Variants in MCPH1 observed in about 807,000 individuals in gnomAD.
MCPH1 encodes the protein microcephalin.
In MCPH1, 104 loss-of-function variants were observed where a neutral mutation model predicts 84.5. The observed-to-expected ratio is 1.23, with a 90% CI of 1.05 to 1.45. MCPH1 has a LOEUF of 1.45. Among genes scored for constraint, MCPH1 ranks in the 40% most tolerant of loss-of-function variants. The pLI, the probability that MCPH1 is intolerant of heterozygous loss-of-function variation, is 0.00. For synonymous variants in MCPH1, 514 were observed against 366.8 expected, an observed-to-expected ratio of 1.40 and a Z score of -4.58; for missense variants, 1,498 against 1,005.7, an observed-to-expected ratio of 1.49 and a Z score of -6.62.
At position 6,546,243 on chromosome 8, in the gene MCPH1, C is replaced by T. The variant is rs1435432614; in HGVS notation, c.2214+46314C>T. On this transcript the variant is annotated intron_variant, in intron 12 of 13. Coordinates refer to ENST00000344683, the MANE Select transcript of MCPH1 (RefSeq NM_024596.5). ...AGCAAACAAATTGGAGTAAGGGAGA[C>T]AGTCTGAATATTCAAGGGCAACCCA... Among the ~76,000 whole-genome samples the T allele has an allele frequency of 2.6e-5, 4 of 152,236 alleles. No individual in the cohort carries two copies. The East Asian group carries it at 7.7e-4, about 29-fold the overall frequency.
At chr8:6,524,927 G>T (rs1300737377) in intron 12 of MCPH1, among the ~76,000 whole-genome samples, 2 of 152,176 alleles carry the variant, frequency 1.3e-5, no homozygotes, top group Non-Finnish European at 2.9e-5. Flanking sequence ...TCTGCACATG[G>T]CTTCCTGTGT....
chr8:6,444,907 G>A lies in MCPH1; in HGVS notation c.1185G>A (p.Gln395=), dbSNP rs963664172. The change falls in exon 8 of 14, where the codon CAG becomes CAA. Residue 395 remains glutamine (Q), a synonymous_variant. Transcript: ENST00000344683. ...TGTGCAGGTCGGAAGACAGGCTGCA[G>A]CACGTGGCGGGACCTGCCCTGGAGG... ...LQLCRSEDRL[Q]HVAGPALEAL... is the part of the protein sequence containing the mutation. 2 of 1,614,050 alleles carry A rather than the reference G, an allele frequency of 1.2e-6. No individual in the cohort carries two copies. Among genetic ancestry groups the A allele is most frequent in the African/African-American group, 1.3e-5 (1 of 74,922 alleles).
intron 12 of MCPH1, among the ~76,000 whole-genome samples, chr8:6,565,656 G>A (rs748775494): frequency 2.6e-5 from 4 of 152,122 alleles, no homozygotes; most frequent in African/African-American, 4.8e-5. Context: ...AGTACTTTTT[G>A]TCTACCAGCC....
chr8:6,523,641 G>T (rs1218474932), intron 12 of MCPH1, among the ~76,000 whole-genome samples: 1 of 152,130 alleles, frequency 6.6e-6, no homozygotes, highest in Non-Finnish European at 1.5e-5. Flanking sequence ...CTGGGCTGTT[G>T]TGCAGTGGCG....
chr8:6,431,461 G>T, intron 3 of MCPH1, 38 bp from the exon 4 acceptor site: 2 of 1,486,116 alleles, frequency 1.3e-6, no homozygotes, highest in Admixed American at 1.7e-5. Context: ...TATAATAGAA[G>T]CAAATACTCA....
rs565546309 is a variant in MCPH1, at chr8:6,426,570, G to T, written c.234-4929G>T. On this transcript the variant is annotated intron_variant, in intron 3 of 13. Coordinates refer to ENST00000344683, the MANE Select transcript of MCPH1 (RefSeq NM_024596.5). ...TATTCTATTGTAGGCATGTAGCTTG[G>T]TGCCACCAGTTGATGGAGATTGGGC... Among the ~76,000 whole-genome samples, 34 of 152,358 alleles carry T rather than the reference G, an allele frequency of 2.2e-4. No individual in the cohort carries two copies. In the South Asian group the frequency reaches 6.4e-3, roughly 29 times the overall value.
Position 6,444,431 on chromosome 8 carries a change from G to A in MCPH1, c.709G>A (p.Asp237Asn), listed in dbSNP as rs761775509. 6.2e-7 allele frequency: 1 copy of A among 1,613,992 alleles called. No individual in the cohort carries two copies. The highest frequency in any genetic ancestry group is 1.3e-5 in the African/African-American group (1 of 74,934). Residue 237 changes from aspartate (D) to asparagine (N), a missense_variant, in exon 8 of 14, where the codon GAT becomes AAT. Coordinates refer to ENST00000344683, the MANE Select transcript of MCPH1 (RefSeq NM_024596.5). ...TGGTGGCTTACACTCATCTTTTGATGATCTTTGTGGAAACTCAGGATGTGG... is the reference window on the plus strand; with the variant it reads ...TGGTGGCTTACACTCATCTTTTGATAATCTTTGTGGAAACTCAGGATGTGG... ...FAGGLHSSFD[D>N]LCGNSGCGNQ...
chr8:6,585,513 C>A (rs1210591151), intron 12 of MCPH1, among the ~76,000 whole-genome samples: 2 of 152,250 alleles, frequency 1.3e-5, no homozygotes, highest in Non-Finnish European at 2.9e-5. Flanking sequence ...TGCAGTTGGG[C>A]TGCTCTGGCA....
intron 12 of MCPH1, among the ~76,000 whole-genome samples, chr8:6,543,633 T>C (rs375781168): frequency 2.0e-3 from 299 of 152,318 alleles, no homozygotes; most frequent in Non-Finnish European, 3.6e-3. Context: ...CATAAAGCTG[T>C]AGGTGCAGCT....
chr8:6,410,100 T>G (rs921517986), intron 2 of MCPH1, among the ~76,000 whole-genome samples: 12 of 151,900 alleles, frequency 7.9e-5, no homozygotes, highest in African/African-American at 2.7e-4. Context: ...CTTCCAAGTA[T>G]CTGGGACTAC....
At chr8:6,489,024 A>G (rs1222748782) in intron 11 of MCPH1, among the ~76,000 whole-genome samples, 2 of 152,140 alleles carry the variant, frequency 1.3e-5, no homozygotes, top group African/African-American at 4.8e-5. Flanking sequence ...GCGACTAACT[A>G]TAGATAATGG....
At chr8:6,407,728 C>A (rs537511071) in intron 1 of MCPH1, among the ~76,000 whole-genome samples, 10 of 152,322 alleles carry the variant, frequency 6.6e-5, no homozygotes, top group Middle Eastern at 6.8e-3. Flanking sequence ...ACCAACGGCA[C>A]ACCTGGAAAA....
rs1337361887 is a variant in MCPH1, at chr8:6,622,659, CGTTGGT to C, written c.2452+969_2452+974del. On this transcript the variant is annotated intron_variant, in intron 13 of 13. Coordinates refer to ENST00000344683, the MANE Select transcript of MCPH1 (RefSeq NM_024596.5). ...GAAGTCTAAGATGGGGTATCGGCAGCGTTGGTTTCCCCTGAGGCCTCTCTCCTGGGC... is the reference window on the plus strand; with the variant it reads ...GAAGTCTAAGATGGGGTATCGGCAGCTTCCCCTGAGGCCTCTCTCCTGGGC... Among the ~76,000 whole-genome samples, 3 of 152,306 alleles carry C rather than the reference CGTTGGT, an allele frequency of 2.0e-5. No homozygotes were observed. The East Asian group carries it at 5.8e-4, about 29-fold the overall frequency.
At chr8:6,557,219 C>T (rs1339354861) in intron 12 of MCPH1, among the ~76,000 whole-genome samples, 2 of 152,166 alleles carry the variant, frequency 1.3e-5, no homozygotes, top group African/African-American at 2.4e-5. Flanking sequence ...TGCTTTACCG[C>T]TGGGCAATCC....
chr8:6,616,375 G>A (rs1042187072), intron 12 of MCPH1: 1 of 152,238 alleles, frequency 6.6e-6, no homozygotes, highest in Non-Finnish European at 1.5e-5. Context: ...AAATAGCTGG[G>A]ATTCCTTGAA....
intron 12 of MCPH1, among the ~76,000 whole-genome samples, chr8:6,558,527 T>G (rs181407316): frequency 6.6e-6 from 1 of 152,312 alleles, no homozygotes; most frequent in East Asian, 1.9e-4. Flanking sequence ...CTTCTCAAGT[T>G]TCATCTACGG....
chr8:6,584,263 A>C (rs911429977), intron 12 of MCPH1, among the ~76,000 whole-genome samples: 2 of 152,228 alleles, frequency 1.3e-5, no homozygotes, highest in African/African-American at 4.8e-5. Context: ...CATCTGGTGC[A>C]GCTACCCGTC....
At chr8:6,442,644 A>ACAAACTG (rs2129555398) in intron 7 of MCPH1, among the ~76,000 whole-genome samples, 1 of 152,320 alleles carries the variant, frequency 6.6e-6, no homozygotes, top group African/African-American at 2.4e-5. Flanking sequence ...TTACGCACAT[A>ACAAACTG]CATGTTTGTA....
intron 12 of MCPH1, among the ~76,000 whole-genome samples, chr8:6,604,625 C>G (rs1310240285): frequency 1.3e-5 from 2 of 152,258 alleles, no homozygotes; most frequent in Non-Finnish European, 2.9e-5. Flanking sequence ...CTGCCTCAGC[C>G]TCCTAAGTAG....
Sources: gnomAD v4.1 joint callset for allele counts (sites outside exome capture counted in the v4.1 genomes callset) on GRCh38, gnomAD v4.1.1 for gene constraint, MANE v1.5 for transcripts, NCBI Gene and HGNC (gene_info 2026-07-23, HGNC 2026-07-21) for gene names.